The following ABRAXAS1 variants were observed in gnomAD, a reference collection of about 807,000 sequenced individuals.
ABRAXAS1 encodes the protein abraxas 1, BRCA1 A complex subunit.
A neutral mutation model predicts 38.4 loss-of-function variants in ABRAXAS1; 26 were observed. The ratio of observed to expected loss-of-function variants is 0.68; its 90% CI spans 0.50 to 0.94. ABRAXAS1 has a LOEUF of 0.94. ABRAXAS1 is among the 40% of genes least tolerant of loss of function. The probability of loss-of-function intolerance (pLI) is 0.00; values close to 1 mark genes in which losing one functional copy is unlikely to be tolerated. For synonymous variants in ABRAXAS1, 144 were observed against 165.5 expected, an observed-to-expected ratio of 0.87 and a Z score of 1.00; for missense variants, 438 against 481.9, an observed-to-expected ratio of 0.91 and a Z score of 0.85.
At position 83,472,254 on chromosome 4, in the gene ABRAXAS1, C is replaced by T. The variant is rs1404975428; in HGVS notation, c.250G>A (p.Ala84Thr). Residue 84 changes from alanine (A) to threonine (T), a missense_variant, in exon 4 of 9, where the codon GCA (alanine) becomes ACA (threonine). Ala to Thr is a moderately conservative substitution (Grantham distance 58). Around this residue, in one of 3 missense-constraint regions of ABRAXAS1, gnomAD observed 194 missense variants for 269.0 expected, o/e 0.72. Coordinates refer to ENST00000321945, the MANE Select transcript of ABRAXAS1 (RefSeq NM_139076.3). ...ACATTTGATAATATTTTCTTCAGTGCTTGCTCATTTACTTCGCCTGAAGAA... is the reference window on the plus strand; with the variant it reads ...ACATTTGATAATATTTTCTTCAGTGTTTGCTCATTTACTTCGCCTGAAGAA... ...YNSSGEVNEQALKKILSNVKK... is the reference protein window; with the variant it reads ...YNSSGEVNEQTLKKILSNVKK... The T allele has an allele frequency of 2.4e-5, 37 of 1,531,818 alleles. No individual in the cohort carries two copies. Among genetic ancestry groups the T allele is most frequent in the Non-Finnish European group, 3.0e-5 (34 of 1,138,998 alleles). 94.9% of individuals were successfully genotyped at this position (1,531,818 alleles called of 1,614,324 possible). A position where few individuals can be genotyped will look rare whatever the true frequency, so the allele number is the denominator to read the frequency against.
At position 83,470,371 on chromosome 4, in the gene ABRAXAS1, C is replaced by T. The variant is rs200068246; in HGVS notation, c.308G>A (p.Arg103His). 29 of 1,613,044 alleles carry T rather than the reference C, an allele frequency of 1.8e-5. No individual in the cohort carries two copies. Among genetic ancestry groups the T allele is most frequent in the Non-Finnish European group, 2.2e-5 (26 of 1,179,480 alleles). Residue 103 changes from arginine (R) to histidine (H), a missense_variant, in exon 5 of 9, where the codon CGT becomes CAT. This residue lies in a region of ABRAXAS1 where 194 missense variants were observed against 269.0 expected (regional missense o/e 0.72). Transcript: ENST00000321945. ...KKNVVGWYKF[R>H]RHSDQIMTFR... ...CGTCATGATCTGATCTGAATGACGACGGAATTTGTACCAACCTACCACATT... is the reference window on the plus strand; with the variant it reads ...CGTCATGATCTGATCTGAATGACGATGGAATTTGTACCAACCTACCACATT...
Position 83,460,728 on chromosome 4 carries a change from A to T in ABRAXAS1, c.*1741T>A, listed in dbSNP as rs1722062714. 2.4e-6 allele frequency: 1 copy of T among 414,862 alleles called. No individual in the cohort carries two copies. Among genetic ancestry groups the T allele is most frequent in the Non-Finnish European group, 4.4e-6 (1 of 226,850 alleles). The allele number at this position is 414,862 out of a possible 1,614,324, so 25.7% of individuals were successfully genotyped here. A position where few individuals can be genotyped will look rare whatever the true frequency, so the allele number is the denominator to read the frequency against. On this transcript the variant is annotated 3_prime_UTR_variant, in exon 9 of 9. Transcript: ENST00000321945. ...GGACCAGCCTGGCCAATATGGTGAA[A>T]CCCCGTTTCTACTACAAATACAAAA...
intron 5 of ABRAXAS1, chr4:83,469,645 T>G (rs1284531478): frequency 6.3e-6 from 1 of 158,890 alleles, no homozygotes; most frequent in Non-Finnish European, 1.4e-5. Context: ...GGAAAAACAG[T>G]TTAATGGCTC....
At chr4:83,471,805 C>T (rs368817925) in intron 4 of ABRAXAS1, among the ~76,000 whole-genome samples, 12 of 151,694 alleles carry the variant, frequency 7.9e-5, no homozygotes, top group Admixed American at 2.0e-4. Context: ...AGGAGGTGCA[C>T]GATGTAGTCA....
chr4:83,484,854 G>T, intron 1 of ABRAXAS1, 132 bp downstream of exon 1: 1 of 687,518 alleles, frequency 1.5e-6, no homozygotes, highest in Non-Finnish European at 2.3e-6. Context: ...AGAGAAGGCA[G>T]AGCCGCGACC....
intron 8 of ABRAXAS1, 49 bp from the exon 9 acceptor site, chr4:83,462,951 G>A: frequency 7.9e-7 from 1 of 1,265,574 alleles, no homozygotes; most frequent in Non-Finnish European, 1.1e-6. Context: ...CTTCTACAAA[G>A]CTTTTATAAT....
chr4:83,475,161 T>G (rs1477732514), intron 3 of ABRAXAS1, among the ~76,000 whole-genome samples: 1 of 152,230 alleles, frequency 6.6e-6, no homozygotes, highest in Non-Finnish European at 1.5e-5. Flanking sequence ...TGCTGTTCCT[T>G]TAAATCCTTT....
In ABRAXAS1 at chr4:83,473,826, TTAAAAAGTGAC is replaced by T. The variant is rs531295198; in HGVS notation, c.216-1549_216-1539del. Among the ~76,000 whole-genome samples the T allele has an allele frequency of 6.8e-4, 103 of 151,672 alleles. 1 individual carries two copies. Among genetic ancestry groups the T allele is most frequent in the African/African-American group, 2.4e-3 (99 of 41,392 alleles). On this transcript the variant is annotated intron_variant, in intron 3 of 8. Coordinates refer to ENST00000321945, the MANE Select transcript of ABRAXAS1 (RefSeq NM_139076.3). ...CACCATGACCCACCTGCATAATTTT[TTAAAAAGTGAC>T]TTTAAGTTTCAGAAGCCGGGCACAG...
chr4:83,473,022 T>C (rs1257520158), intron 3 of ABRAXAS1, among the ~76,000 whole-genome samples: 1 of 152,194 alleles, frequency 6.6e-6, no homozygotes, highest in Non-Finnish European at 1.5e-5. Context: ...CTCATACTTG[T>C]AATCCCAGCA....
At chr4:83,479,073 G>T (rs920750156) in intron 2 of ABRAXAS1, 1 of 152,088 alleles carries the variant, frequency 6.6e-6, no homozygotes, top group Non-Finnish European at 1.5e-5. Flanking sequence ...TATCAAATTG[G>T]CAAAGATTAA....
At chr4:83,471,174 T>A (rs1004457732) in intron 4 of ABRAXAS1, among the ~76,000 whole-genome samples, 4 of 150,610 alleles carry the variant, frequency 2.7e-5, no homozygotes, top group African/African-American at 9.8e-5. Flanking sequence ...GCCAAACATA[T>A]TTGTTGAAAG....
At chr4:83,468,996 G>A in intron 6 of ABRAXAS1, 36 bp downstream of exon 6, 1 of 1,593,978 alleles carries the variant, frequency 6.3e-7, no homozygotes, top group East Asian at 2.2e-5. Context: ...TTTCAAAGAT[G>A]AATAGAAGTT....
chr4:83,475,454 TC>T (rs1722730678), intron 3 of ABRAXAS1, among the ~76,000 whole-genome samples: 1 of 152,192 alleles, frequency 6.6e-6, no homozygotes, highest in African/African-American at 2.4e-5. Flanking sequence ...ATTTTTCTTT[TC>T]CTTTTTTTGG....
intron 1 of ABRAXAS1, among the ~76,000 whole-genome samples, chr4:83,484,467 C>A (rs1723106777): frequency 6.6e-6 from 1 of 152,208 alleles, no homozygotes; most frequent in Non-Finnish European, 1.5e-5. Flanking sequence ...ATCTGATATA[C>A]CAGATTAAGC....
chr4:83,474,441 G>T (rs1042470096), intron 3 of ABRAXAS1, among the ~76,000 whole-genome samples: 1 of 152,036 alleles, frequency 6.6e-6, no homozygotes, highest in African/African-American at 2.4e-5. Context: ...GGCCAGGCGT[G>T]GGTGTCTCAC....
At position 83,463,536 on chromosome 4, in the gene ABRAXAS1, G is replaced by A. The variant is rs1300270870; in HGVS notation, c.754C>T (p.Arg252Ter). 5.6e-6 allele frequency: 9 copies of A among 1,611,104 alleles called. No homozygotes were observed. Among genetic ancestry groups the A allele is most frequent in the African/African-American group, 2.7e-5 (2 of 74,738 alleles). Residue 252 changes from arginine (R) to a stop codon, truncating the protein, a stop_gained, in exon 8 of 9, where the codon CGA (arginine) becomes TGA (stop). Coordinates refer to ENST00000321945, the MANE Select transcript of ABRAXAS1 (RefSeq NM_139076.3). LOFTEE classifies it low-confidence loss of function (END_TRUNC). ...KLVKDVNRLKREIEKRRGAQI... is the reference protein window; with the variant it reads ...KLVKDVNRLK The stretch of plus-strand genomic sequence containing the variant: ...GCTCCTCTCCTTTTCTCAATTTCTC[G>A]TTTTAATCTGTTTACATCCTTTACT...
In ABRAXAS1 at chr4:83,470,238, A is replaced by T; in HGVS notation, c.441T>A (p.His147Gln). ...PSIITESCSTHRLEHSLYKPQ... is the reference protein window; with the variant it reads ...PSIITESCSTQRLEHSLYKPQ... ...GTTTATATAAGGAATGTTCCAGTCG[A>T]TGAGTAGAGCAGCTTTCTGTTATTA... Residue 147 changes from histidine (H) to glutamine (Q), a missense_variant, in exon 5 of 9, where the codon CAT becomes CAA. This residue lies in a region of ABRAXAS1 where 194 missense variants were observed against 269.0 expected (regional missense o/e 0.72). Coordinates refer to ENST00000321945, the MANE Select transcript of ABRAXAS1 (RefSeq NM_139076.3). 1 of 1,613,668 alleles carries T rather than the reference A, an allele frequency of 6.2e-7. No individual in the cohort carries two copies.
chr4:83,474,045 G>A (rs1367565971), intron 3 of ABRAXAS1, among the ~76,000 whole-genome samples: 1 of 151,534 alleles, frequency 6.6e-6, no homozygotes, highest in Non-Finnish European at 1.5e-5. Context: ...ATGAGGCTGA[G>A]GTGGGAGAAT....
At chr4:83,467,583 T>A (rs1407614084) in intron 6 of ABRAXAS1, 45 bp from the exon 7 acceptor site, 1 of 946,084 alleles carries the variant, frequency 1.1e-6, no homozygotes, top group South Asian at 1.4e-5. Context: ...CAAAACCATT[T>A]TAATGATAAG....
Sources: gnomAD v4.1 joint callset for allele counts (sites outside exome capture counted in the v4.1 genomes callset) on GRCh38, gnomAD v4.1.1 for gene constraint, gnomAD v4.1.1 regional missense constraint, MANE v1.5 for transcripts, NCBI Gene and HGNC (gene_info 2026-07-23, HGNC 2026-07-21) for gene names.